Variants in NAV1 observed in about 807,000 individuals in gnomAD.
NAV1 encodes the protein pore membrane and/or filament interacting like protein 3.
Under a neutral mutation model 175.2 loss-of-function variants are expected in NAV1, and 18 were observed. The ratio of observed to expected loss-of-function variants is 0.10; its 90% CI spans 0.07 to 0.15. The LOEUF is 0.15. Ranked by LOEUF, NAV1 falls within the 10% of genes least tolerant of loss-of-function variation. The pLI is 1.00. For synonymous variants in NAV1, 897 were observed against 978.7 expected (o/e 0.92, Z 1.56); for missense variants, 1,731 against 2,436.6 (o/e 0.71, Z 6.10).
At position 201,713,087 on chromosome 1, in the gene NAV1, G is replaced by A. The variant is rs569056458; in HGVS notation, c.860+168G>A. ...AGGAAATCCATTTATCTCAACAAGA[G>A]AAGCTTGGCTTTGTCTTCTGTCTGC... On this transcript the variant is annotated intron_variant, in intron 2 of 29. Coordinates refer to ENST00000367296, the Ensembl canonical transcript of NAV1. Among the ~76,000 whole-genome samples the A allele has an allele frequency of 8.1e-4, 123 of 152,332 alleles. 1 individual carries two copies. Among genetic ancestry groups the A allele is most frequent in the African/African-American group, 2.9e-3 (121 of 41,590 alleles).
In NAV1 at chr1:201,648,615, C is replaced by T; in HGVS notation, c.-54C>T. 7.8e-7 allele frequency: 1 copy of T among 1,287,978 alleles called. No individual in the cohort carries two copies. The highest frequency in any genetic ancestry group is 9.8e-7 in the Non-Finnish European group (1 of 1,023,024). The allele number at this position is 1,287,978 out of a possible 1,614,324, so 79.8% of individuals were successfully genotyped here. On this transcript the variant is annotated 5_prime_UTR_variant, in exon 1 of 30. Coordinates refer to ENST00000367296, the Ensembl canonical transcript of NAV1. The stretch of plus-strand genomic sequence containing the variant: ...CCTCCTGCGCTCCCGCCCCCTGCCC[C>T]CTCCCCCCGTGCCTGCAGACGCGCG...
intron 15 of NAV1, chr1:201,795,030 C>T (rs1211813751): frequency 6.4e-6 from 1 of 156,142 alleles, no homozygotes; most frequent in Non-Finnish European, 1.4e-5. Flanking sequence ...GTTTAGTAAC[C>T]AGTCAAGCTT....
chr1:201,744,389 T>C (rs113363351), intron 3 of NAV1, among the ~76,000 whole-genome samples: 9,024 of 152,016 alleles, frequency 0.059, 881 homozygotes, highest in African/African-American at 0.21. Context: ...ACTTCCCAGA[T>C]GCCAGGCAAA....
At chr1:201,550,713 T>G (rs1364492394) in intron 1 of NAV1, among the ~76,000 whole-genome samples, 2 of 152,366 alleles carry the variant, frequency 1.3e-5, no homozygotes, top group East Asian at 3.9e-4. Flanking sequence ...TTCAATTTTG[T>G]AGTTTTATGT....
chr1:201,559,109 A>T (rs1247846674), intron 1 of NAV1, among the ~76,000 whole-genome samples: 1 of 152,160 alleles, frequency 6.6e-6, no homozygotes, highest in Non-Finnish European at 1.5e-5. Flanking sequence ...GGATTGAAGG[A>T]GATAACGCGT....
chr1:201,642,186 T>TTCCC (rs1253384292), intron 2 of NAV1, among the ~76,000 whole-genome samples: 1 of 139,270 alleles, frequency 7.2e-6, no homozygotes, highest in Non-Finnish European at 1.5e-5. Context: ...CCTTCCTTCC[T>TTCCC]TCCCTCCTTT....
chr1:201,570,404 C>T (rs1666497561), intron 1 of NAV1, among the ~76,000 whole-genome samples: 1 of 152,232 alleles, frequency 6.6e-6, no homozygotes, highest in Admixed American at 6.5e-5. Context: ...TCTTGCCCTG[C>T]AGGCCCAGCC....
At chr1:201,785,229 A>G (rs988982356) in intron 7 of NAV1, 81 bp from the exon 12 acceptor site, 12 of 1,487,274 alleles carry the variant, frequency 8.1e-6, no homozygotes, top group Middle Eastern at 1.9e-4. Context: ...CCTCACACCA[A>G]TGGTCCTAAA....
intron 1 of NAV1, among the ~76,000 whole-genome samples, chr1:201,674,623 C>T (rs1670172718): frequency 6.6e-6 from 1 of 152,162 alleles, no homozygotes; most frequent in African/African-American, 2.4e-5. Context: ...TTCAAAGGAG[C>T]CTCAGGGAGC....
intron 1 of NAV1, among the ~76,000 whole-genome samples, chr1:201,651,930 A>C (rs1473291838): frequency 6.6e-6 from 1 of 151,906 alleles, no homozygotes; most frequent in East Asian, 1.9e-4. Flanking sequence ...GGAGGAAAGG[A>C]GGGGAGTTGG....
In NAV1 at chr1:201,813,090, G is replaced by A. The variant is rs556823948; in HGVS notation, c.5222-50G>A. On this transcript the variant is annotated intron_variant, in intron 27 of 29. Coordinates refer to ENST00000367296, the Ensembl canonical transcript of NAV1. This position sits in a 1 kb window ranked among gnomAD's most constrained non-coding sequence, Gnocchi z 4.2. ...TAAGGAGTAAAAGAGGCACACAACC[G>A]GGAAGATCTAGGTTCCCAGCCATCT... 47 of 1,341,430 alleles carry A rather than the reference G, an allele frequency of 3.5e-5. No individual in the cohort carries two copies. The highest frequency in any genetic ancestry group is 2.6e-4 in the South Asian group (22 of 83,928). The allele number at this position is 1,341,430 out of a possible 1,614,324, so 83.1% of individuals were successfully genotyped here. A position where few individuals can be genotyped will look rare whatever the true frequency, so the allele number is the denominator to read the frequency against.
At chr1:201,666,395 A>T (rs1376628136) in intron 1 of NAV1, among the ~76,000 whole-genome samples, 1 of 152,134 alleles carries the variant, frequency 6.6e-6, no homozygotes, top group Admixed American at 6.5e-5. Flanking sequence ...CAGCTCTGTT[A>T]TGTAGGAAAC....
chr1:201,643,273 CTCTT>C (rs1268307777), upstream of NAV1, among the ~76,000 whole-genome samples: 49 of 135,436 alleles, frequency 3.6e-4, no homozygotes, highest in South Asian at 3.0e-3. Context: ...TTCCCTCCCT[CTCTT>C]TCTTTCTTTC....
At chr1:201,775,534 G>T (rs922719020) in intron 3 of NAV1, among the ~76,000 whole-genome samples, 1 of 152,098 alleles carries the variant, frequency 6.6e-6, no homozygotes, top group Non-Finnish European at 1.5e-5. Flanking sequence ...TTCCATATAA[G>T]CAAACAGCCA....
At chr1:201,657,032 G>A (rs1357061530) in intron 1 of NAV1, among the ~76,000 whole-genome samples, 1 of 152,182 alleles carries the variant, frequency 6.6e-6, no homozygotes, top group African/African-American at 2.4e-5. Context: ...CTGTCATGGG[G>A]TCTAGGATTC....
At chr1:201,690,249 G>A (rs570960523) in intron 1 of NAV1, among the ~76,000 whole-genome samples, 64 of 112,908 alleles carry the variant, frequency 5.7e-4, no homozygotes, top group Middle Eastern at 8.1e-3. Flanking sequence ...TGGCCTGTCC[G>A]TGGCAGAGTA....
chr1:201,614,114 C>T (rs1413231562), intron 2 of NAV1, among the ~76,000 whole-genome samples: 1 of 152,122 alleles, frequency 6.6e-6, no homozygotes, highest in African/African-American at 2.4e-5. Flanking sequence ...TTAGCCAACA[C>T]TCTGTGCTGT....
chr1:201,786,467 G>A lies in NAV1; in HGVS notation c.2885G>A (p.Arg962Gln), dbSNP rs748333686. Residue 962 changes from arginine (R) to glutamine (Q), a missense_variant, in exon 9 of 30, where the codon CGA becomes CAA. Physicochemically the swap from Arg to Gln is conservative, Grantham distance 43. Around this residue, in one of 13 missense-constraint regions of NAV1, gnomAD observed 634 missense variants for 766.8 expected, o/e 0.83. Coordinates refer to ENST00000367296, the Ensembl canonical transcript of NAV1. ...TCCCAGGAGGAGACCAAGGAGAGGC[G>A]ACATTCCCATACCATTGGTGGGCTG... 9.3e-6 allele frequency: 15 copies of A among 1,613,740 alleles called. No homozygotes were observed. The highest frequency in any genetic ancestry group is 1.3e-5 in the African/African-American group (1 of 74,906).
In NAV1 at chr1:201,794,393, G is replaced by A. The variant is rs1426391743; in HGVS notation, c.3406-73G>A. Reference sequence around the variant, plus strand: ...TGACCTCAGGTGATCCGCCCACCTCGGCCTCCCAAAGTGCTGGGATTATAG... The same window carrying A: ...TGACCTCAGGTGATCCGCCCACCTCAGCCTCCCAAAGTGCTGGGATTATAG... On this transcript the variant is annotated intron_variant, in intron 14 of 29. Transcript: ENST00000367296. 1.5e-5 allele frequency: 21 copies of A among 1,373,882 alleles called. No individual in the cohort carries two copies. In the South Asian group the frequency reaches 1.9e-4, roughly 13 times the overall value. The allele number at this position is 1,373,882 out of a possible 1,614,324, so 85.1% of individuals were successfully genotyped here.
Sources: allele counts gnomAD v4.1 joint callset (sites outside exome capture counted in the v4.1 genomes callset), GRCh38; gene constraint gnomAD v4.1.1; regional missense constraint gnomAD v4.1.1; non-coding constraint Gnocchi (gnomAD v3.1); transcripts MANE v1.5; gene names NCBI Gene and HGNC (gene_info 2026-07-23, HGNC 2026-07-21).